Variants in UMAD1 observed in about 807,000 individuals in gnomAD.
UMAD1 encodes UBAP1-MVB12-associated (UMA) domain containing 1, also known as UBAP1-MVB12-associated (UMA)-domain containing protein 1.
Under a neutral mutation model 6.1 loss-of-function variants are expected in UMAD1, and 8 were observed. The ratio of observed to expected loss-of-function variants is 1.30; its 90% CI spans 0.76 to 2.35. The LOEUF is 2.35. Ranked by LOEUF, UMAD1 falls within the 30% of genes most tolerant of loss-of-function variation. The probability of loss-of-function intolerance (pLI) is 0.00; values close to 1 mark genes in which losing one functional copy is unlikely to be tolerated. For missense variants in UMAD1, 130 were observed against 78.4 expected (o/e 1.66, Z -2.49); for synonymous variants, 56 against 31.4 (o/e 1.78, Z -2.61).
chr7:7,720,548 C>T (rs1393059021), intron 2 of UMAD1, among the ~76,000 whole-genome samples: 1 of 152,034 alleles, frequency 6.6e-6, no homozygotes, highest in African/African-American at 2.4e-5. Flanking sequence ...GACTAGTAAG[C>T]TTCCTAATTG....
intron 2 of UMAD1, among the ~76,000 whole-genome samples, chr7:7,712,725 A>G (rs1780798073): frequency 6.6e-6 from 1 of 152,228 alleles, no homozygotes; most frequent in South Asian, 2.1e-4. Context: ...GAAGTGTCAA[A>G]GAAAACATCT....
intron 3 of UMAD1, among the ~76,000 whole-genome samples, chr7:7,875,109 A>C (rs941261314): frequency 3.3e-5 from 5 of 152,324 alleles, no homozygotes; most frequent in Admixed American, 3.3e-4. Context: ...CTTACAGTCT[A>C]AGAATTTGTC....
chr7:7,809,415 A>G (rs992469969), intron 3 of UMAD1, among the ~76,000 whole-genome samples: 1 of 151,930 alleles, frequency 6.6e-6, no homozygotes, highest in African/African-American at 2.4e-5. Context: ...AAAAACTTTT[A>G]TTTTTAATGG....
intron 3 of UMAD1, among the ~76,000 whole-genome samples, chr7:7,875,990 G>A (rs1057084783): frequency 2.0e-5 from 3 of 152,156 alleles, no homozygotes; most frequent in African/African-American, 4.8e-5. Flanking sequence ...AGACAGGGAG[G>A]ATACAGTGAG....
intron 2 of UMAD1, among the ~76,000 whole-genome samples, chr7:7,776,119 G>A (rs1289554079): frequency 6.6e-6 from 1 of 152,158 alleles, no homozygotes; most frequent in South Asian, 2.1e-4. Context: ...GAGTTTTATA[G>A]TATGTAAATT....
chr7:7,727,923 T>C (rs1781171659), intron 2 of UMAD1, among the ~76,000 whole-genome samples: 1 of 152,208 alleles, frequency 6.6e-6, no homozygotes, highest in Admixed American at 6.5e-5. Context: ...TAATAAACTT[T>C]TTTTATATAC....
At chr7:7,772,919 G>A (rs564085720) in intron 2 of UMAD1, among the ~76,000 whole-genome samples, 2 of 149,186 alleles carry the variant, frequency 1.3e-5, no homozygotes, top group South Asian at 2.1e-4. Flanking sequence ...TTTAAAGAGG[G>A]GTTTCCCCTT....
chr7:7,735,029 A>G (rs1310357530), intron 2 of UMAD1, among the ~76,000 whole-genome samples: 1 of 152,168 alleles, frequency 6.6e-6, no homozygotes, highest in Non-Finnish European at 1.5e-5. Flanking sequence ...TTATTTTAGT[A>G]GTTTCTGTCA....
At chr7:7,778,046 A>G (rs1782255863) in intron 2 of UMAD1, among the ~76,000 whole-genome samples, 2 of 152,180 alleles carry the variant, frequency 1.3e-5, no homozygotes, top group East Asian at 1.9e-4. Context: ...CTTATTCGCT[A>G]TCAGTGTTAC....
At chr7:7,870,220 C>T (rs1037437504) in intron 3 of UMAD1, among the ~76,000 whole-genome samples, 23 of 152,060 alleles carry the variant, frequency 1.5e-4, no homozygotes, top group Admixed American at 5.2e-4. Flanking sequence ...TATTAACTTT[C>T]TTTGTAAGAT....
intron 1 of UMAD1, among the ~76,000 whole-genome samples, chr7:7,653,804 T>G (rs992090140): frequency 6.6e-6 from 1 of 152,202 alleles, no homozygotes; most frequent in African/African-American, 2.4e-5. Context: ...CATTTTGCAA[T>G]GTCTGCAGGC....
intron 2 of UMAD1, among the ~76,000 whole-genome samples, chr7:7,690,046 A>G (rs1046150244): frequency 1.3e-5 from 2 of 152,162 alleles, no homozygotes; most frequent in South Asian, 2.1e-4. Context: ...ATCTAAAGTG[A>G]TGGGAAATAA....
At chr7:7,808,867 A>G (rs150492529) in intron 3 of UMAD1, among the ~76,000 whole-genome samples, 1 of 152,076 alleles carries the variant, frequency 6.6e-6, no homozygotes, top group Non-Finnish European at 1.5e-5. Context: ...AATAATAACT[A>G]ACAGATGGTA....
chr7:7,833,708 GA>G (rs1261743776), intron 3 of UMAD1, among the ~76,000 whole-genome samples: 1 of 152,112 alleles, frequency 6.6e-6, no homozygotes, highest in African/African-American at 2.4e-5. Context: ...TTTACACTGT[GA>G]AAAACGAATT....
intron 3 of UMAD1, among the ~76,000 whole-genome samples, chr7:7,815,016 A>G (rs184667230): frequency 6.6e-6 from 1 of 152,248 alleles, no homozygotes; most frequent in East Asian, 1.9e-4. Flanking sequence ...TTCTGTATAC[A>G]CTTTCAATCC....
intron 3 of UMAD1, among the ~76,000 whole-genome samples, chr7:7,833,321 G>A (rs932946653): frequency 1.3e-5 from 2 of 152,100 alleles, no homozygotes; most frequent in Non-Finnish European, 1.5e-5. Context: ...TTGGCATTGG[G>A]AGTGAAAAAG....
intron 2 of UMAD1, chr7:7,740,558 G>C (rs1781442297): frequency 6.6e-6 from 1 of 152,010 alleles, no homozygotes; most frequent in Non-Finnish European, 1.5e-5. Context: ...CTAGAATTTT[G>C]AAATTTAGTG....
At chr7:7,780,000 C>G (rs375758420) in intron 2 of UMAD1, among the ~76,000 whole-genome samples, 2 of 152,224 alleles carry the variant, frequency 1.3e-5, no homozygotes, top group East Asian at 3.8e-4. Context: ...GCTTTGTGTA[C>G]ATACAGTAGT....
rs59221325 is a variant in UMAD1 at position 7,796,244 on chromosome 7, C to CTTTTTTTTTTTTTTTT, written c.83-5417_83-5402dup. ...ACTTTGACCCATTTCTATTTTCTTTCTTTTTTTTTTTTTTTTTTTTTTTTG... is the reference window on the plus strand; with the variant it reads ...ACTTTGACCCATTTCTATTTTCTTTCTTTTTTTTTTTTTTTTTTTTTTTTTTTTTTTTTTTTTTTTG... On this transcript the variant is annotated intron_variant, in intron 2 of 3. Transcript: ENST00000682710. 2.2e-3 allele frequency among the ~76,000 whole-genome samples: 141 copies of CTTTTTTTTTTTTTTTT among 63,950 alleles called. 18 individuals carry two copies. Among genetic ancestry groups the CTTTTTTTTTTTTTTTT allele is most frequent in the African/African-American group, 0.01 (107 of 10,240 alleles). 42.0% of individuals were successfully genotyped at this position (63,950 alleles called of 152,430 possible). A position where few individuals can be genotyped will look rare whatever the true frequency, so the allele number is the denominator to read the frequency against.
Sources: gnomAD v4.1 joint callset for allele counts (sites outside exome capture counted in the v4.1 genomes callset) on GRCh38, gnomAD v4.1.1 for gene constraint, MANE v1.5 for transcripts, NCBI Gene and HGNC (gene_info 2026-07-23, HGNC 2026-07-21) for gene names.